Variants in TMEM117 observed in about 807,000 individuals in gnomAD.
TMEM117 encodes the protein transmembrane protein 117.
A neutral mutation model predicts 52.4 loss-of-function variants in TMEM117; 27 were observed. The ratio of observed to expected loss-of-function variants is 0.51; its 90% CI spans 0.38 to 0.71. The LOEUF (loss-of-function observed/expected upper bound fraction) is 0.71. TMEM117 is among the 30% of genes least tolerant of loss of function. TMEM117 has a pLI of 0.00. For missense variants in TMEM117, 556 were observed against 630.5 expected (o/e 0.88, Z 1.26); for synonymous variants, 215 against 206.3 (o/e 1.04, Z -0.36).
chr12:43,987,091 A>C (rs1162181825), intron 3 of TMEM117, among the ~76,000 whole-genome samples: 1 of 152,182 alleles, frequency 6.6e-6, no homozygotes, highest in East Asian at 1.9e-4. Context: ...TTAAGGTAAA[A>C]TGAGGTCATA....
chr12:44,232,418 A>G (rs926186181), intron 5 of TMEM117, among the ~76,000 whole-genome samples: 1 of 151,270 alleles, frequency 6.6e-6, no homozygotes, highest in Non-Finnish European at 1.5e-5. Flanking sequence ...TATAATGTAC[A>G]TTTATTTGTG....
chr12:44,208,184 CA>C (rs1565592974), intron 4 of TMEM117, among the ~76,000 whole-genome samples: 2 of 152,054 alleles, frequency 1.3e-5, no homozygotes, highest in East Asian at 1.9e-4. Flanking sequence ...TTTTAAACCT[CA>C]AAATGCATGT....
At chr12:44,299,469 G>A (rs1386622913) in intron 5 of TMEM117, 111 bp from the exon 6 acceptor site, 1 of 1,388,716 alleles carries the variant, frequency 7.2e-7, no homozygotes, top group Non-Finnish European at 9.8e-7. Context: ...ATATACCTTA[G>A]GGTAGGTGCT....
chr12:43,844,010 T>A (rs1390038572), intron 1 of TMEM117, among the ~76,000 whole-genome samples: 2 of 152,212 alleles, frequency 1.3e-5, no homozygotes, highest in Admixed American at 6.5e-5. Flanking sequence ...ATATGCTCAT[T>A]TTACCTCTAT....
intron 3 of TMEM117, among the ~76,000 whole-genome samples, chr12:44,002,546 A>G (rs1054843674): frequency 2.6e-5 from 4 of 152,126 alleles, no homozygotes; most frequent in Non-Finnish European, 5.9e-5. Flanking sequence ...TCCCTACTTC[A>G]TCCCTAACTC....
chr12:44,122,826 T>C (rs1948259615), intron 3 of TMEM117, among the ~76,000 whole-genome samples: 1 of 152,234 alleles, frequency 6.6e-6, no homozygotes, highest in Non-Finnish European at 1.5e-5. Flanking sequence ...GATGGGCATT[T>C]AGGTTGATTC....
intron 5 of TMEM117, among the ~76,000 whole-genome samples, chr12:44,218,333 C>A (rs61228557): frequency 0.11 from 16,105 of 152,112 alleles, 941 homozygotes; most frequent in Middle Eastern, 0.2. Flanking sequence ...GATTCAACAT[C>A]TGTAAATCAA....
chr12:43,924,269 G>A lies in TMEM117; in HGVS notation c.278-19941G>A, dbSNP rs1404424115. Among the ~76,000 whole-genome samples the A allele has an allele frequency of 2.0e-5, 3 of 152,252 alleles. No individual in the cohort carries two copies. The East Asian group carries it at 5.8e-4, about 29-fold the overall frequency. On this transcript the variant is annotated intron_variant, in intron 2 of 7. Transcript: ENST00000266534. ...GAGGAATATTGCCTGAATTCTTAAA[G>A]ATGAAAGAACCCTAAGCATTTAAAT...
intron 3 of TMEM117, among the ~76,000 whole-genome samples, chr12:44,077,165 G>A (rs1432768483): frequency 2.0e-5 from 3 of 152,076 alleles, no homozygotes; most frequent in South Asian, 4.1e-4. Context: ...CCTGCTGAAG[G>A]CAGTGAAAAG....
At chr12:43,852,159 C>T (rs542265191) in intron 2 of TMEM117, among the ~76,000 whole-genome samples, 1 of 152,100 alleles carries the variant, frequency 6.6e-6, no homozygotes, top group East Asian at 1.9e-4. Context: ...TGGCTGGGCA[C>T]GGTGGCTCAT....
At position 44,151,278 on chromosome 12, in the gene TMEM117, C is replaced by T. The variant is rs942693693; in HGVS notation, c.510+7654C>T. Among the ~76,000 whole-genome samples, 4 of 151,650 alleles carry T rather than the reference C, an allele frequency of 2.6e-5. No homozygotes were observed. In the South Asian group the frequency reaches 6.2e-4, roughly 24 times the overall value. On this transcript the variant is annotated intron_variant, in intron 4 of 7. Transcript: ENST00000266534. Reference sequence around the variant, plus strand: ...AGTTTATACTTCCTCTAGTTGGGTACCTCCTTTGTCCACATATTCTTTATG... The same window carrying T: ...AGTTTATACTTCCTCTAGTTGGGTATCTCCTTTGTCCACATATTCTTTATG...
intron 3 of TMEM117, among the ~76,000 whole-genome samples, chr12:44,017,229 C>A (rs1023857601): frequency 9.7e-6 from 1 of 102,648 alleles, no homozygotes; most frequent in Non-Finnish European, 1.8e-5. Flanking sequence ...ATTTATGAAG[C>A]CTTCTGTGTG....
At chr12:44,311,493 G>A (rs1050140833) in intron 6 of TMEM117, among the ~76,000 whole-genome samples, 1 of 150,504 alleles carries the variant, frequency 6.6e-6, no homozygotes, top group African/African-American at 2.4e-5. Context: ...GGGTGTAGAT[G>A]CAAACTGGAG....
the TMEM117 span, among the ~76,000 whole-genome samples, chr12:43,818,053 T>TCTGAG: frequency 5.9e-5 from 9 of 152,216 alleles, no homozygotes. Context: ...GAGGTTTAAC[T>TCTGAG]TTTCAAGGAT....
At chr12:43,982,443 T>C (rs1477283858) in intron 3 of TMEM117, among the ~76,000 whole-genome samples, 3 of 152,220 alleles carry the variant, frequency 2.0e-5, no homozygotes, top group Non-Finnish European at 2.9e-5. Context: ...CAGGAAAATA[T>C]GGTTACTGCT....
At chr12:44,017,235 G>C (rs545622175) in intron 3 of TMEM117, among the ~76,000 whole-genome samples, 2 of 150,496 alleles carry the variant, frequency 1.3e-5, no homozygotes, top group South Asian at 2.1e-4. Context: ...GAAGCCTTCT[G>C]TGTGTGTGTG....
At chr12:43,846,140 G>T (rs1398555689) in intron 2 of TMEM117, among the ~76,000 whole-genome samples, 1 of 150,402 alleles carries the variant, frequency 6.6e-6, no homozygotes, top group Non-Finnish European at 1.5e-5. Context: ...TGTTTATTTT[G>T]AGCCTATCCA....
chr12:44,096,561 A>T (rs1415793952), intron 3 of TMEM117, among the ~76,000 whole-genome samples: 1 of 151,736 alleles, frequency 6.6e-6, no homozygotes, highest in Admixed American at 6.6e-5. Flanking sequence ...ATAATGCCGC[A>T]TATCTACAAC....
In TMEM117 at chr12:44,247,893, CCCA is replaced by C. The variant is rs1296665728; in HGVS notation, c.608+36509_608+36511del. 2.6e-5 allele frequency among the ~76,000 whole-genome samples: 4 copies of C among 152,264 alleles called. No individual in the cohort carries two copies. In the East Asian group the frequency reaches 7.7e-4, roughly 29 times the overall value. On this transcript the variant is annotated intron_variant, in intron 5 of 7. Coordinates refer to ENST00000266534, the MANE Select transcript of TMEM117 (RefSeq NM_032256.3). ...GGGCTGGCAGCAGAATGCTCTCTCT[CCCA>C]CCGCCTTGCCTGTGGAACCTCTTAT... is the stretch of plus-strand genomic sequence containing the variant.
Sources: gnomAD v4.1 joint callset for allele counts (sites outside exome capture counted in the v4.1 genomes callset) on GRCh38, gnomAD v4.1.1 for gene constraint, MANE v1.5 for transcripts, NCBI Gene and HGNC (gene_info 2026-07-23, HGNC 2026-07-21) for gene names.